The following NIBAN3 variants were observed in gnomAD, a reference collection of about 807,000 sequenced individuals.
The protein encoded by NIBAN3 is niban apoptosis regulator 3.
In NIBAN3, 66 loss-of-function variants were observed where a neutral mutation model predicts 76.4. The ratio of observed to expected loss-of-function variants is 0.86; its 90% CI spans 0.71 to 1.06. The LOEUF is 1.06. NIBAN3 is among the 50% of genes least tolerant of loss of function. NIBAN3 has a pLI of 0.00. For synonymous variants in NIBAN3, 360 were observed against 355.2 expected (o/e 1.01, Z -0.15); for missense variants, 808 against 810.7 (o/e 1.00, Z 0.04).
chr19:17,532,406 G>A lies in NIBAN3; in HGVS notation c.312+18G>A. On this transcript the variant is annotated intron_variant, in intron 3 of 14. Coordinates refer to ENST00000599164, the MANE Select transcript of NIBAN3 (RefSeq NM_001321827.2). ...ACAAGGAGGTGCGTGATTGGCACGT[G>A]GCCTTTCTACTTCTGGGTCCCTCCT... 6.2e-7 allele frequency: 1 copy of A among 1,614,168 alleles called. No individual in the cohort carries two copies. The highest frequency in any genetic ancestry group is 8.5e-7 in the Non-Finnish European group (1 of 1,180,032).
chr19:17,539,979 G>C (rs1045996751), intron 8 of NIBAN3, among the ~76,000 whole-genome samples: 1 of 152,038 alleles, frequency 6.6e-6, no homozygotes, highest in Non-Finnish European at 1.5e-5. Flanking sequence ...GAGGCACTGG[G>C]GGCGGGGCCT....
chr19:17,548,872 G>A (rs958071136), intron 13 of NIBAN3, among the ~76,000 whole-genome samples: 1 of 152,176 alleles, frequency 6.6e-6, no homozygotes, highest in African/African-American at 2.4e-5. Flanking sequence ...CTTGCAGTGA[G>A]CCGAGATTGC....
rs2076179862 is a variant in NIBAN3, at chr19:17,553,030, G to A, written c.*1132G>A. ...CTCAAGGCTGCAGTGAGTGGTGATT[G>A]CACCACTGCACTCCAGCCTGGGTGA... On this transcript the variant is annotated 3_prime_UTR_variant, in exon 15 of 15. Coordinates refer to ENST00000599164, the MANE Select transcript of NIBAN3 (RefSeq NM_001321827.2). 1 of 233,280 alleles carries A rather than the reference G, an allele frequency of 4.3e-6. No individual in the cohort carries two copies. Among genetic ancestry groups the A allele is most frequent in the Non-Finnish European group, 8.4e-6 (1 of 118,688 alleles). 14.5% of individuals were successfully genotyped at this position (233,280 alleles called of 1,614,324 possible).
rs7250417 is a variant in NIBAN3 at position 17,546,866 on chromosome 19, G to A, written c.1666+69G>A. 7.4e-3 allele frequency: 11,261 copies of A among 1,521,278 alleles called. 432 individuals carry two copies. The African/African-American group carries it at 0.1, about 14-fold the overall frequency. The allele number at this position is 1,521,278 out of a possible 1,614,324, so 94.2% of individuals were successfully genotyped here. ...TGGCTGTATGTACCGAGCCCCACCA[G>A]GGCCACATCGACTCTCACTTCCTGT... is the stretch of plus-strand genomic sequence containing the variant. On this transcript the variant is annotated intron_variant, in intron 13 of 14. Transcript: ENST00000599164.
rs2076175028 is a variant in NIBAN3, at chr19:17,552,725, G to A, written c.*827G>A. ...GCGGGCAGATCACTTGAGCTCAGGAGTTCAAGACCAGCCTGGCGAACATAG... is the reference window on the plus strand; with the variant it reads ...GCGGGCAGATCACTTGAGCTCAGGAATTCAAGACCAGCCTGGCGAACATAG... On this transcript the variant is annotated 3_prime_UTR_variant, in exon 15 of 15. Coordinates refer to ENST00000599164, the MANE Select transcript of NIBAN3 (RefSeq NM_001321827.2). The A allele has an allele frequency of 6.6e-6, 1 of 151,986 alleles. No individual in the cohort carries two copies. The highest frequency in any genetic ancestry group is 2.1e-4 in the South Asian group (1 of 4,806). The allele number at this position is 151,986 out of a possible 1,614,324, so 9.4% of individuals were successfully genotyped here. A position where few individuals can be genotyped will look rare whatever the true frequency, so the allele number is the denominator to read the frequency against.
chr19:17,553,169 C>T lies in NIBAN3; in HGVS notation c.*1271C>T, dbSNP rs1379461468. The T allele has an allele frequency of 8.1e-5, 96 of 1,179,024 alleles. No homozygotes were observed. Among genetic ancestry groups the T allele is most frequent in the Middle Eastern group, 3.2e-4 (1 of 3,142 alleles). The allele number at this position is 1,179,024 out of a possible 1,614,324, so 73.0% of individuals were successfully genotyped here. A position where few individuals can be genotyped will look rare whatever the true frequency, so the allele number is the denominator to read the frequency against. ...TGAATTGCCTGTTCATAGCTTTTTTCTACTTTTCAGGAGTGTTTGCATTTT... is the reference window on the plus strand; with the variant it reads ...TGAATTGCCTGTTCATAGCTTTTTTTTACTTTTCAGGAGTGTTTGCATTTT... On this transcript the variant is annotated 3_prime_UTR_variant, in exon 15 of 15. Coordinates refer to ENST00000599164, the MANE Select transcript of NIBAN3 (RefSeq NM_001321827.2).
At position 17,530,857 on chromosome 19, in the gene NIBAN3, C is replaced by T. The variant is rs772492810; in HGVS notation, c.158C>T (p.Pro53Leu). Reference sequence around the variant, plus strand: ...TCTCGAGAGCTGGGCCCTCAGGAGCCGACCGGAAGCCAGTTGCTACGCAGC... The same window carrying T: ...TCTCGAGAGCTGGGCCCTCAGGAGCTGACCGGAAGCCAGTTGCTACGCAGC... The part of the protein sequence containing the change: ...QISRELGPQE[P>L]TGSQLLRSKK... The change falls in exon 2 of 15, where the codon CCG becomes CTG. Residue 53 changes from proline to leucine, a missense_variant. Transcript: ENST00000599164. 1.7e-5 allele frequency: 28 copies of T among 1,613,226 alleles called. No individual in the cohort carries two copies. Among genetic ancestry groups the T allele is most frequent in the Middle Eastern group, 1.6e-4 (1 of 6,078 alleles).
At chr19:17,524,266 C>T (rs1422872673), upstream of NIBAN3, among the ~76,000 whole-genome samples, 2 of 151,736 alleles carry the variant, frequency 1.3e-5, no homozygotes, top group Non-Finnish European at 2.9e-5. Context: ...CTTCCTTGCC[C>T]GTCTCATCAT....
At chr19:17,539,528 A>G in intron 7 of NIBAN3, 75 bp from the exon 8 acceptor site, 1 of 1,464,916 alleles carries the variant, frequency 6.8e-7, no homozygotes, top group Non-Finnish European at 9.1e-7. Flanking sequence ...TGTCGCCTAA[A>G]CCCTCTCCCG....
intron 13 of NIBAN3, among the ~76,000 whole-genome samples, 195 bp from the exon 14 acceptor site, chr19:17,549,249 G>A (rs2076114247): frequency 6.6e-6 from 1 of 152,206 alleles, no homozygotes; most frequent in Non-Finnish European, 1.5e-5. Context: ...GGGACTGGCA[G>A]TGTCCAGGCT....
intron 4 of NIBAN3, 29 bp from the exon 5 acceptor site, chr19:17,537,347 A>G (rs1270033148): frequency 6.2e-7 from 1 of 1,608,488 alleles, no homozygotes; most frequent in Non-Finnish European, 8.5e-7. Context: ...ATGAACGTCT[A>G]GAAGATGCGA....
intron 14 of NIBAN3, 69 bp downstream of exon 14, chr19:17,549,596 GGGGTGTAT>G (rs1293245340): frequency 2.6e-6 from 3 of 1,171,336 alleles, no homozygotes; most frequent in Admixed American, 1.7e-5. Context: ...AGGCCCACAT[GGGGTGTAT>G]GGGATTGTCA....
At chr19:17,539,876 TC>T (rs2075909232) in intron 8 of NIBAN3, 111 bp downstream of exon 8, 1 of 621,224 alleles carries the variant, frequency 1.6e-6, no homozygotes, top group African/African-American at 2.2e-5. Context: ...GGGGGCGTGG[TC>T]AGAGAGGGGC....
At position 17,530,841 on chromosome 19, in the gene NIBAN3, C is replaced by T; in HGVS notation, c.142C>T (p.Leu48=). The T allele has an allele frequency of 6.2e-7, 1 of 1,613,668 alleles. No homozygotes were observed. The highest frequency in any genetic ancestry group is 8.5e-7 in the Non-Finnish European group (1 of 1,179,938). Residue 48 remains leucine, a synonymous_variant, in exon 2 of 15, where the codon CTG becomes TTG. Coordinates refer to ENST00000599164, the MANE Select transcript of NIBAN3 (RefSeq NM_001321827.2). Reference sequence around the variant, plus strand: ...TGTCCTGCGGCAGATCTCTCGAGAGCTGGGCCCTCAGGAGCCGACCGGAAG... The same window carrying T: ...TGTCCTGCGGCAGATCTCTCGAGAGTTGGGCCCTCAGGAGCCGACCGGAAG... ...ASVLRQISRE[L]GPQEPTGSQL...
chr19:17,527,974 G>A lies in NIBAN3; in HGVS notation c.55+579G>A, dbSNP rs556462756. On this transcript the variant is annotated intron_variant, in intron 1 of 14. Transcript: ENST00000599164. ...CTCCCAAAGTGCTGGGATTACAGGC[G>A]GGAGCCACTGTGTCCAGCCTGCATC... Among the ~76,000 whole-genome samples the A allele has an allele frequency of 7.2e-5, 11 of 152,076 alleles. 1 individual carries two copies. The highest frequency in any genetic ancestry group is 3.9e-4 in the East Asian group (2 of 5,180).
At chr19:17,530,641 G>C (rs2144677003) in intron 1 of NIBAN3, 114 bp from the exon 2 acceptor site, 1 of 953,346 alleles carries the variant, frequency 1.0e-6, no homozygotes, top group Non-Finnish European at 1.5e-6. Flanking sequence ...TTGTCTGGAA[G>C]CTCAGGATGA....
intron 12 of NIBAN3, 100 bp from the exon 13 acceptor site, chr19:17,546,586 C>T (rs1174737436): frequency 7.6e-7 from 1 of 1,317,038 alleles, no homozygotes; most frequent in Non-Finnish European, 9.7e-7. Flanking sequence ...CCCCCCAACC[C>T]CACAGCTAAT....
chr19:17,554,636 C>T (rs1418179914), downstream of NIBAN3, among the ~76,000 whole-genome samples: 1 of 150,500 alleles, frequency 6.6e-6, no homozygotes, highest in Non-Finnish European at 1.5e-5. Flanking sequence ...AAAAATTAGC[C>T]GGGCGTGGTG....
downstream of NIBAN3, chr19:17,553,723 C>T: frequency 1.5e-6 from 1 of 684,728 alleles, no homozygotes. Context: ...AAGAATTTGT[C>T]ATCCTGCCCC....
Sources: allele counts gnomAD v4.1 joint callset (sites outside exome capture counted in the v4.1 genomes callset), GRCh38; gene constraint gnomAD v4.1.1; transcripts MANE v1.5; gene names NCBI Gene and HGNC (gene_info 2026-07-23, HGNC 2026-07-21).